DIAPH2: variants seen among roughly 807,000 people sequenced by gnomAD.
The protein encoded by DIAPH2 is diaphanous related formin 2.
DIAPH2 carries 35 observed loss-of-function variants against 92.7 expected under a neutral mutation model. The observed-to-expected ratio is 0.38, with a 90% CI of 0.29 to 0.50. The LOEUF (loss-of-function observed/expected upper bound fraction) is 0.50. Ranked by LOEUF, DIAPH2 falls within the 20% of genes least tolerant of loss-of-function variation. The pLI is 0.94. For missense variants in DIAPH2, 701 were observed against 819.5 expected, an observed-to-expected ratio of 0.86 and a Z score of 1.77; for synonymous variants, 301 against 280.4, an observed-to-expected ratio of 1.07 and a Z score of -0.73.
At chrX:97,370,172 G>A (rs1359953160) in intron 24 of DIAPH2, among the ~76,000 whole-genome samples, 2 of 111,555 alleles carry the variant, frequency 1.8e-5, no homozygotes, top group African/African-American at 6.5e-5. Flanking sequence ...TAAGTCACTG[G>A]ATATTAATCA....
At chrX:96,778,188 C>T (rs2064390875) in intron 4 of DIAPH2, among the ~76,000 whole-genome samples, 1 of 108,949 alleles carries the variant, frequency 9.2e-6, no homozygotes, top group East Asian at 2.9e-4. Flanking sequence ...CAGCTTTATC[C>T]ATGTCCCTAC....
At chrX:97,329,891 G>GACACACACAC (rs201851023) in intron 23 of DIAPH2, among the ~76,000 whole-genome samples, 8 of 79,478 alleles carry the variant, frequency 1.0e-4, no homozygotes, top group African/African-American at 3.9e-4. Context: ...TGCATTCTTA[G>GACACACACAC]ACACACACAC....
chrX:97,279,655 G>A (rs949354509), intron 23 of DIAPH2, among the ~76,000 whole-genome samples: 1 of 110,796 alleles, frequency 9.0e-6, no homozygotes, highest in East Asian at 2.8e-4. Flanking sequence ...ATTCTTTAAC[G>A]TTCTTAAGGC....
chrX:97,519,500 C>T (rs953045694), intron 26 of DIAPH2, among the ~76,000 whole-genome samples: 8 of 111,768 alleles, frequency 7.2e-5, no homozygotes, highest in Non-Finnish European at 1.5e-4. Context: ...GCTTAGATGT[C>T]TTTAAAATGG....
chrX:97,170,913 G>A (rs1330365857), intron 22 of DIAPH2, among the ~76,000 whole-genome samples: 2 of 109,678 alleles, frequency 1.8e-5, no homozygotes, highest in South Asian at 3.9e-4. Flanking sequence ...GTCTCGCTCT[G>A]TTATTTAAGC....
chrX:96,767,496 A>T (rs1039634094), intron 4 of DIAPH2, among the ~76,000 whole-genome samples: 3 of 112,058 alleles, frequency 2.7e-5, no homozygotes, highest in African/African-American at 9.7e-5. Context: ...TGTTTAATAT[A>T]TTTAACATGT....
intron 19 of DIAPH2, among the ~76,000 whole-genome samples, chrX:97,078,339 T>C (rs2066719004): frequency 9.0e-6 from 1 of 111,584 alleles, no homozygotes. Flanking sequence ...AACCTGGAGT[T>C]CAAAGCCCTC....
At chrX:97,039,172 CATG>C (rs1214993025) in intron 17 of DIAPH2, among the ~76,000 whole-genome samples, 5 of 111,352 alleles carry the variant, frequency 4.5e-5, no homozygotes, top group Admixed American at 2.9e-4. Context: ...TTTGCTTACT[CATG>C]ATGTTTAAAT....
intron 23 of DIAPH2, among the ~76,000 whole-genome samples, chrX:97,257,001 G>GA (rs5903072): frequency 9.3e-5 from 9 of 97,140 alleles, no homozygotes; most frequent in African/African-American, 1.5e-4. Flanking sequence ...GATGAAGACT[G>GA]AAAAAAAAAA....
At position 97,199,227 on chromosome X, in the gene DIAPH2, A is replaced by ATGTG. The variant is rs58686614; in HGVS notation, c.2720-48474_2720-48471dup. Among the ~76,000 whole-genome samples, 332 of 106,309 alleles carry ATGTG rather than the reference A, an allele frequency of 3.1e-3. 1 individual carries two copies. Among genetic ancestry groups the ATGTG allele is most frequent in the African/African-American group, 5.3e-3 (154 of 29,275 alleles). The allele number at this position is 106,309 out of a possible 115,157, so 92.3% of individuals were successfully genotyped here. On this transcript the variant is annotated intron_variant, in intron 22 of 26. Coordinates refer to ENST00000324765, the MANE Select transcript of DIAPH2 (RefSeq NM_006729.5). ...TTGAGGATTATATTAACATATGTAT[A>ATGTG]TGTGTGTGTGTGTGTGTACGTGTGT...
At chrX:96,888,590 T>TCTATATAA (rs1556283016) in intron 5 of DIAPH2, among the ~76,000 whole-genome samples, 2 of 98,515 alleles carry the variant, frequency 2.0e-5, no homozygotes, top group Non-Finnish European at 4.1e-5. Context: ...TCTATATATA[T>TCTATATAA]ACAGATATAT....
intron 1 of DIAPH2, among the ~76,000 whole-genome samples, chrX:96,730,472 C>T (rs2064047212): frequency 9.0e-6 from 1 of 111,068 alleles, no homozygotes; most frequent in Admixed American, 9.6e-5. Context: ...GAAGGCAGGC[C>T]TTTGAATAGT....
chrX:97,465,438 C>G (rs192998615), intron 26 of DIAPH2, among the ~76,000 whole-genome samples: 45 of 111,789 alleles, frequency 4.0e-4, no homozygotes, highest in African/African-American at 1.4e-3. Context: ...TTTTTCATGT[C>G]CCCTAAACAA....
chrX:97,233,904 T>A (rs952434398), intron 22 of DIAPH2, among the ~76,000 whole-genome samples: 16 of 111,877 alleles, frequency 1.4e-4, no homozygotes, highest in Non-Finnish European at 2.6e-4. Flanking sequence ...AACATTCTAT[T>A]GATACATTCA....
At chrX:97,456,342 G>T (rs1279422327) in intron 26 of DIAPH2, among the ~76,000 whole-genome samples, 5 of 109,079 alleles carry the variant, frequency 4.6e-5, no homozygotes, top group Non-Finnish European at 9.5e-5. Flanking sequence ...AGCCGAGATC[G>T]CGCCGCTGCA....
At chrX:97,566,732 C>T (rs965084855) in intron 26 of DIAPH2, among the ~76,000 whole-genome samples, 3 of 110,890 alleles carry the variant, frequency 2.7e-5, no homozygotes, top group African/African-American at 6.6e-5. Context: ...TAACAGGTAG[C>T]GACATATATG....
At chrX:97,381,004 TG>T (rs1316153095) in intron 24 of DIAPH2, among the ~76,000 whole-genome samples, 1 of 111,828 alleles carries the variant, frequency 8.9e-6, no homozygotes, top group Non-Finnish European at 1.9e-5. Context: ...ACCTATTACT[TG>T]TTCTGTTTTA....
intron 4 of DIAPH2, among the ~76,000 whole-genome samples, chrX:96,877,604 G>A (rs2065188814): frequency 8.9e-6 from 1 of 111,840 alleles, no homozygotes; most frequent in Non-Finnish European, 1.9e-5. Flanking sequence ...TTGTAAGTAA[G>A]TCTGTTTTTA....
chrX:97,057,581 C>T (rs755882680), intron 17 of DIAPH2, among the ~76,000 whole-genome samples: 4 of 111,270 alleles, frequency 3.6e-5, no homozygotes, highest in East Asian at 2.8e-4. Context: ...CTCATGACAC[C>T]GTAGGTAATT....
Sources: gnomAD v4.1 joint callset for allele counts (sites outside exome capture counted in the v4.1 genomes callset) on GRCh38, gnomAD v4.1.1 for gene constraint, MANE v1.5 for transcripts, NCBI Gene and HGNC (gene_info 2026-07-23, HGNC 2026-07-21) for gene names.